The following MGAT4C variants were observed in gnomAD, a reference collection of about 807,000 sequenced individuals.
MGAT4C encodes the protein MGAT4 family member C, also known as alpha-1,3-mannosyl-glycoprotein 4-beta-N-acetylglucosaminyltransferase C.
A neutral mutation model predicts 40.1 loss-of-function variants in MGAT4C; 19 were observed. That is an observed-to-expected ratio of 0.47 (90% CI 0.33 to 0.70). The LOEUF is 0.70. Ranked by LOEUF, MGAT4C falls within the 30% of genes least tolerant of loss-of-function variation. The pLI, the probability that MGAT4C is intolerant of heterozygous loss-of-function variation, is 0.02. For missense variants in MGAT4C, 491 were observed against 563.2 expected (o/e 0.87, Z 1.30); for synonymous variants, 181 against 187.1 (o/e 0.97, Z 0.27).
intron 2 of MGAT4C, among the ~76,000 whole-genome samples, chr12:86,512,167 G>T (rs1441584474): frequency 1.3e-5 from 2 of 152,010 alleles, no homozygotes; most frequent in Non-Finnish European, 2.9e-5. Context: ...TATATAAAAA[G>T]ATACTTAACA....
intron 4 of MGAT4C, among the ~76,000 whole-genome samples, chr12:86,306,025 A>T (rs976233914): frequency 1.3e-5 from 2 of 150,566 alleles, no homozygotes; most frequent in African/African-American, 5.0e-5. Context: ...ATCGAGGAAG[A>T]TGGAAAGATA....
At chr12:86,299,070 A>G (rs1241134506) in intron 4 of MGAT4C, among the ~76,000 whole-genome samples, 1 of 152,192 alleles carries the variant, frequency 6.6e-6, no homozygotes, top group Non-Finnish European at 1.5e-5. Context: ...ATAGTTAAAG[A>G]ATCAGAAAAT....
At chr12:86,155,697 ATTAT>A in intron 1 of MGAT4C, among the ~76,000 whole-genome samples, 1 of 152,320 alleles carries the variant, frequency 6.6e-6, no homozygotes, top group Non-Finnish European at 1.5e-5. Context: ...GGTGAAAACA[ATTAT>A]TTATATATTC....
intron 1 of MGAT4C, among the ~76,000 whole-genome samples, chr12:86,792,355 G>A (rs1952037370): frequency 6.6e-6 from 1 of 152,100 alleles, no homozygotes; most frequent in South Asian, 2.1e-4. Context: ...ATTTGAGGCT[G>A]AGGGAAAGGT....
At chr12:86,566,089 AG>A (rs1960086299) in intron 2 of MGAT4C, among the ~76,000 whole-genome samples, 1 of 152,150 alleles carries the variant, frequency 6.6e-6, no homozygotes, top group African/African-American at 2.4e-5. Context: ...AAAGGGCAGC[AG>A]TTTGTCCTCA....
rs369933875 is a variant in MGAT4C at position 86,343,455 on chromosome 12, G to GT, written c.-119-9329dup. Reference sequence around the variant, plus strand: ...TTTGAGCATATTGCATCCTAAAACTGTTTTTTTTAACAAAACCTATTGGAA... The same window carrying GT: ...TTTGAGCATATTGCATCCTAAAACTGTTTTTTTTTAACAAAACCTATTGGAA... On this transcript the variant is annotated intron_variant, in intron 3 of 7. Coordinates refer to the MGAT4C transcript ENST00000548651. Among the ~76,000 whole-genome samples, 394 of 151,630 alleles carry GT rather than the reference G, an allele frequency of 2.6e-3. 1 individual carries two copies. The highest frequency in any genetic ancestry group is 8.7e-3 in the African/African-American group (361 of 41,348).
intron 2 of MGAT4C, among the ~76,000 whole-genome samples, chr12:86,497,917 C>T (rs35233208): frequency 2.5e-4 from 19 of 77,136 alleles, no homozygotes; most frequent in East Asian, 7.6e-4. Flanking sequence ...TATATATATA[C>T]GCACACACAC....
intron 2 of MGAT4C, among the ~76,000 whole-genome samples, chr12:86,467,182 T>C (rs1463479199): frequency 6.6e-6 from 1 of 152,126 alleles, no homozygotes; most frequent in Non-Finnish European, 1.5e-5. Flanking sequence ...AGCAACATGT[T>C]CTACTTCCTG....
chr12:86,317,950 C>T (rs909131895), intron 4 of MGAT4C, among the ~76,000 whole-genome samples: 5 of 151,416 alleles, frequency 3.3e-5, no homozygotes, highest in African/African-American at 1.2e-4. Context: ...TTATCCTTTT[C>T]CTTCTCCATG....
At chr12:86,278,714 A>G (rs1027625266) in intron 4 of MGAT4C, among the ~76,000 whole-genome samples, 1 of 151,962 alleles carries the variant, frequency 6.6e-6, no homozygotes, top group Middle Eastern at 3.2e-3. Flanking sequence ...TGATTGCTTT[A>G]GCTAGGATTT....
intron 4 of MGAT4C, among the ~76,000 whole-genome samples, chr12:86,263,750 T>C (rs573652646): frequency 4.6e-5 from 7 of 152,282 alleles, no homozygotes; most frequent in African/African-American, 1.7e-4. Flanking sequence ...GAAATCTCCA[T>C]ACTGTTGTCC....
At chr12:86,492,860 A>C (rs1212746479) in intron 2 of MGAT4C, among the ~76,000 whole-genome samples, 5 of 152,192 alleles carry the variant, frequency 3.3e-5, no homozygotes, top group Non-Finnish European at 7.4e-5. Context: ...GTGAACAGGC[A>C]ACCTACAGAA....
At chr12:86,805,214 G>A (rs547014851) in intron 1 of MGAT4C, among the ~76,000 whole-genome samples, 1 of 151,396 alleles carries the variant, frequency 6.6e-6, no homozygotes, top group Non-Finnish European at 1.5e-5. Flanking sequence ...TTCTTTTTTT[G>A]TTGTTTTTTA....
intron 1 of MGAT4C, among the ~76,000 whole-genome samples, chr12:86,155,589 T>C (rs1457736559): frequency 6.6e-6 from 1 of 152,210 alleles, no homozygotes; most frequent in Non-Finnish European, 1.5e-5. Flanking sequence ...TATTTACTGA[T>C]ATGCAAAGGT....
intron 2 of MGAT4C, among the ~76,000 whole-genome samples, chr12:86,646,740 T>C (rs1963552258): frequency 6.6e-6 from 1 of 151,964 alleles, no homozygotes; most frequent in Non-Finnish European, 1.5e-5. Flanking sequence ...TGTACACTCT[T>C]CACAATATGA....
intron 1 of MGAT4C, among the ~76,000 whole-genome samples, chr12:86,111,749 C>T (rs1877452164): frequency 6.6e-6 from 1 of 151,740 alleles, no homozygotes; most frequent in African/African-American, 2.4e-5. Flanking sequence ...TGTTCAAACA[C>T]TTTCAAGGGG....
rs1883593477 is a variant in MGAT4C at position 85,970,954 on chromosome 12, G to T, written c.*8335C>A. 6.6e-6 allele frequency: 1 copy of T among 151,102 alleles called. No individual in the cohort carries two copies. The highest frequency in any genetic ancestry group is 2.1e-4 in the South Asian group (1 of 4,828). 9.4% of individuals were successfully genotyped at this position (151,102 alleles called of 1,614,324 possible). A position where few individuals can be genotyped will look rare whatever the true frequency, so the allele number is the denominator to read the frequency against. On this transcript the variant is annotated 3_prime_UTR_variant, in exon 5 of 5. Coordinates refer to ENST00000611864, the MANE Select transcript of MGAT4C (RefSeq NM_001351288.2). ...TAAATAATGAGATTAAAGTTAAAAT[G>T]AAAAAGTGGTATGAGGACTATTGTT...
At chr12:86,815,035 A>G (rs554422087) in intron 1 of MGAT4C, among the ~76,000 whole-genome samples, 201 of 152,196 alleles carry the variant, frequency 1.3e-3, no homozygotes, top group African/African-American at 4.5e-3. Context: ...TCAGATGTAC[A>G]TTTCTAGGAA....
intron 1 of MGAT4C, among the ~76,000 whole-genome samples, chr12:86,153,275 A>C (rs1262201132): frequency 6.6e-6 from 1 of 152,226 alleles, no homozygotes; most frequent in Non-Finnish European, 1.5e-5. Context: ...ACTAAGGAGA[A>C]AAAACCTACC....
Sources: gnomAD v4.1 joint callset for allele counts (sites outside exome capture counted in the v4.1 genomes callset) on GRCh38, gnomAD v4.1.1 for gene constraint, MANE v1.5 for transcripts, NCBI Gene and HGNC (gene_info 2026-07-23, HGNC 2026-07-21) for gene names.